NDFIP2: variants seen among roughly 807,000 people sequenced by gnomAD.
The protein encoded by NDFIP2 is Nedd4 family interacting protein 2, also known as NEDD4 family-interacting protein 2.
NDFIP2 carries 19 observed loss-of-function variants against 36.0 expected under a neutral mutation model. That is an observed-to-expected ratio of 0.53 (90% CI 0.37 to 0.77). NDFIP2 has a LOEUF of 0.77. NDFIP2 is among the 30% of genes least tolerant of loss of function. NDFIP2 has a pLI of 0.00. For synonymous variants in NDFIP2, 181 were observed against 167.7 expected, an observed-to-expected ratio of 1.08 and a Z score of -0.61; for missense variants, 446 against 435.8, an observed-to-expected ratio of 1.02 and a Z score of -0.21.
rs1030690758 is a variant in NDFIP2, at chr13:79,541,123, A to T, written c.715+1348A>T. 3.3e-5 allele frequency among the ~76,000 whole-genome samples: 5 copies of T among 152,194 alleles called. No individual in the cohort carries two copies. In the South Asian group the frequency reaches 1.0e-3, roughly 32 times the overall value. Reference sequence around the variant, plus strand: ...TACTTTCATTGTTATTATACCTTTTAAGAAACCTTAATTAGAAAGGAAAGG... The same window carrying T: ...TACTTTCATTGTTATTATACCTTTTTAGAAACCTTAATTAGAAAGGAAAGG... On this transcript the variant is annotated intron_variant, in intron 4 of 7. Transcript: ENST00000218652.
At chr13:79,534,902 C>G (rs1875172860) in intron 3 of NDFIP2, among the ~76,000 whole-genome samples, 1 of 152,174 alleles carries the variant, frequency 6.6e-6, no homozygotes, top group Admixed American at 6.6e-5. Context: ...CCAGCACACA[C>G]AGGGTTAAAC....
intron 2 of NDFIP2, among the ~76,000 whole-genome samples, chr13:79,524,934 G>C (rs1874733739): frequency 6.6e-6 from 1 of 152,028 alleles, no homozygotes; most frequent in African/African-American, 2.4e-5. Flanking sequence ...GTTCTTTCAG[G>C]CATCTTCTCC....
At chr13:79,488,157 A>C (rs1318608321) in intron 1 of NDFIP2, among the ~76,000 whole-genome samples, 1 of 152,120 alleles carries the variant, frequency 6.6e-6, no homozygotes, top group African/African-American at 2.4e-5. Context: ...CTAATTGAGG[A>C]AATGTACACT....
intron 1 of NDFIP2, among the ~76,000 whole-genome samples, chr13:79,506,664 T>C (rs1375611427): frequency 6.6e-6 from 1 of 152,054 alleles, no homozygotes; most frequent in Non-Finnish European, 1.5e-5. Flanking sequence ...GCAGTACATA[T>C]AAGTATAAAG....
chr13:79,528,353 G>A (rs896214870), intron 2 of NDFIP2, among the ~76,000 whole-genome samples: 1 of 152,126 alleles, frequency 6.6e-6, no homozygotes, highest in African/African-American at 2.4e-5. Flanking sequence ...ATGTGTTTGT[G>A]TTTTAAGCTG....
chr13:79,539,661 T>G, intron 3 of NDFIP2, 21 bp from the exon 4 acceptor site: 1 of 1,591,812 alleles, frequency 6.3e-7, no homozygotes, highest in East Asian at 2.2e-5. Flanking sequence ...AGTGAGCTAT[T>G]CCAATGTTAC....
chr13:79,521,421 G>A (rs1477722174), intron 2 of NDFIP2, among the ~76,000 whole-genome samples: 1 of 152,064 alleles, frequency 6.6e-6, no homozygotes, highest in African/African-American at 2.4e-5. Context: ...TTGTATACCA[G>A]TGTGATTTAG....
intron 5 of NDFIP2, among the ~76,000 whole-genome samples, 193 bp from the exon 6 acceptor site, chr13:79,548,135 A>G (rs570157272): frequency 6.6e-6 from 1 of 152,146 alleles, no homozygotes; most frequent in African/African-American, 2.4e-5. Flanking sequence ...TTGCTATTGC[A>G]TAAGATGATT....
chr13:79,496,602 T>C (rs1234329335), intron 1 of NDFIP2, among the ~76,000 whole-genome samples: 3 of 151,964 alleles, frequency 2.0e-5, no homozygotes, highest in Non-Finnish European at 4.4e-5. Context: ...TGAGGAATTA[T>C]GGCCATTATT....
chr13:79,494,571 C>G (rs1873365508), intron 1 of NDFIP2, among the ~76,000 whole-genome samples: 1 of 151,970 alleles, frequency 6.6e-6, no homozygotes, highest in South Asian at 2.1e-4. Context: ...GACATTCTTC[C>G]TAGAGCCTTC....
intron 2 of NDFIP2, among the ~76,000 whole-genome samples, chr13:79,525,112 G>A (rs954743818): frequency 1.3e-5 from 2 of 152,200 alleles, no homozygotes; most frequent in Non-Finnish European, 2.9e-5. Flanking sequence ...CTCAATCTGT[G>A]TGACCTTTCT....
intron 1 of NDFIP2, among the ~76,000 whole-genome samples, chr13:79,485,016 CAA>C (rs969730920): frequency 6.6e-6 from 1 of 151,926 alleles, no homozygotes; most frequent in African/African-American, 2.4e-5. Context: ...CGGTTTCTGG[CAA>C]AAAAGAGGTG....
At chr13:79,521,319 A>G (rs557003181) in intron 2 of NDFIP2, among the ~76,000 whole-genome samples, 1 of 152,262 alleles carries the variant, frequency 6.6e-6, no homozygotes, top group Admixed American at 6.5e-5. Context: ...GCTACTGTTC[A>G]TCTTATTCAG....
chr13:79,507,286 T>TGC (rs1346644965), intron 1 of NDFIP2, among the ~76,000 whole-genome samples: 16 of 51,464 alleles, frequency 3.1e-4, no homozygotes, highest in South Asian at 1.7e-3. Context: ...TTTTTTTTTT[T>TGC]TTTTTGAGAC....
At chr13:79,519,227 T>G (rs1477592329) in intron 1 of NDFIP2, 1 of 152,226 alleles carries the variant, frequency 6.6e-6, no homozygotes, top group Non-Finnish European at 1.5e-5. Flanking sequence ...AACATTGAAT[T>G]TCTTAGAGTA....
At chr13:79,488,025 T>C (rs903216625) in intron 1 of NDFIP2, among the ~76,000 whole-genome samples, 5 of 152,168 alleles carry the variant, frequency 3.3e-5, no homozygotes, top group African/African-American at 1.2e-4. Flanking sequence ...TTATACTGAA[T>C]TATGTGTTTG....
chr13:79,519,910 C>T (rs553804762), intron 1 of NDFIP2, among the ~76,000 whole-genome samples: 19 of 152,314 alleles, frequency 1.2e-4, no homozygotes, highest in African/African-American at 3.1e-4. Flanking sequence ...AAGCAATTCT[C>T]CTGCCTCAGC....
At chr13:79,550,114 C>A (rs1875847594) in intron 6 of NDFIP2, among the ~76,000 whole-genome samples, 1 of 151,210 alleles carries the variant, frequency 6.6e-6, no homozygotes, top group South Asian at 2.1e-4. Flanking sequence ...GTTTTTGGAT[C>A]CCCCCCACCC....
rs775670089 is a variant in NDFIP2, at chr13:79,548,017, C to T, written c.841-311C>T. Among the ~76,000 whole-genome samples, 18 of 152,054 alleles carry T rather than the reference C, an allele frequency of 1.2e-4. No homozygotes were observed. The Middle Eastern group carries it at 0.014, about 115-fold the overall frequency. ...TGAGAGATTATGAAAAAAGGACTGA[C>T]GTGAAATTTCTAATAAGAAAATGTG... is the stretch of plus-strand genomic sequence containing the variant. On this transcript the variant is annotated intron_variant, in intron 5 of 7. Transcript: ENST00000218652.
Sources: allele counts gnomAD v4.1 joint callset (sites outside exome capture counted in the v4.1 genomes callset), GRCh38; gene constraint gnomAD v4.1.1; transcripts MANE v1.5; gene names NCBI Gene and HGNC (gene_info 2026-07-23, HGNC 2026-07-21).